CPSF7: variants seen among roughly 807,000 people sequenced by gnomAD.
CPSF7 encodes cleavage and polyadenylation specific factor 7.
A neutral mutation model predicts 44.3 loss-of-function variants in CPSF7; 1 was observed. The ratio of observed to expected loss-of-function variants is 0.02; its 90% CI spans 0.01 to 0.11. The LOEUF is 0.11. Among genes scored for constraint, CPSF7 ranks in the 10% least tolerant of loss-of-function variants. The pLI is 1.00. For synonymous variants in CPSF7, 202 were observed against 222.0 expected, an observed-to-expected ratio of 0.91 and a Z score of 0.80; for missense variants, 443 against 607.2, an observed-to-expected ratio of 0.73 and a Z score of 2.84.
At chr11:61,410,840 G>A (rs528127049) in intron 9 of CPSF7, 98 bp downstream of exon 9, 2 of 1,274,428 alleles carry the variant, frequency 1.6e-6, no homozygotes, top group South Asian at 3.1e-5. Flanking sequence ...CCCTACCCTT[G>A]CTGCATTTAC....
intron 9 of CPSF7, among the ~76,000 whole-genome samples, chr11:61,408,952 G>A (rs138237749): frequency 0.021 from 3,220 of 152,014 alleles, 118 homozygotes; most frequent in African/African-American, 0.074. Flanking sequence ...GCTGAGGCAG[G>A]GGGATCACTT....
intron 2 of CPSF7, among the ~76,000 whole-genome samples, chr11:61,422,885 C>A (rs1590725816): frequency 6.6e-6 from 1 of 151,902 alleles, no homozygotes; most frequent in Non-Finnish European, 1.5e-5. Flanking sequence ...TGTATCCCAG[C>A]ACTTTAGGAC....
chr11:61,429,598 C>G (rs567130087), intron 1 of CPSF7: 1 of 781,654 alleles, frequency 1.3e-6, no homozygotes, highest in Non-Finnish European at 2.0e-6. Flanking sequence ...GAAGAATGAC[C>G]GCGGCGAAGC....
chr11:61,405,413 C>T (rs916583693), intron 9 of CPSF7, among the ~76,000 whole-genome samples: 9 of 152,136 alleles, frequency 5.9e-5, no homozygotes, highest in South Asian at 2.1e-4. Context: ...AGGAAACATA[C>T]TAACACTAAG....
intron 2 of CPSF7, among the ~76,000 whole-genome samples, chr11:61,422,495 T>G (rs1860973786): frequency 6.6e-6 from 1 of 152,080 alleles, no homozygotes; most frequent in South Asian, 2.1e-4. Flanking sequence ...TCAAATTTTT[T>G]TTGTAGAGAC....
rs71471825 is a variant in CPSF7 at position 61,427,026 on chromosome 11, C to CAAAAAA, written c.54+2150_54+2155dup. 22 of 13,680 alleles carry CAAAAAA rather than the reference C, an allele frequency of 1.6e-3. 2 individuals are homozygous for CAAAAAA. The highest frequency in any genetic ancestry group is 2.5e-3 in the Admixed American group (2 of 816). The allele number at this position is 13,680 out of a possible 1,614,324, so 0.8% of individuals were successfully genotyped here. ...CTGGCGACAAAGAGAGACTCTGTCT[C>CAAAAAA]AAAAAAAAAAAAAAAAAAAAAAAAA... On this transcript the variant is annotated intron_variant, in intron 2 of 9. Coordinates refer to ENST00000439958, the MANE Select transcript of CPSF7 (RefSeq NM_001142565.3).
At chr11:61,416,642 A>T (rs1860366840) in intron 5 of CPSF7, 123 bp from the exon 6 acceptor site, 1 of 991,318 alleles carries the variant, frequency 1.0e-6, no homozygotes, top group African/African-American at 1.6e-5. Flanking sequence ...CTGAGAAGGT[A>T]AAATCATCTA....
At chr11:61,409,854 C>T (rs540079968) in intron 9 of CPSF7, among the ~76,000 whole-genome samples, 2 of 151,862 alleles carry the variant, frequency 1.3e-5, no homozygotes, top group South Asian at 2.1e-4. Flanking sequence ...GCGCCTGTAG[C>T]CCCAGCTGCT....
chr11:61,427,592 G>A (rs1861503212), intron 2 of CPSF7, among the ~76,000 whole-genome samples: 1 of 151,194 alleles, frequency 6.6e-6, no homozygotes, highest in Non-Finnish European at 1.5e-5. Context: ...GGCAGAGGTT[G>A]CAGTGAGCCG....
intron 7 of CPSF7, among the ~76,000 whole-genome samples, chr11:61,412,711 A>T (rs1012674985): frequency 5.9e-5 from 9 of 152,364 alleles, no homozygotes; most frequent in African/African-American, 2.2e-4. Flanking sequence ...ACCTGTATGT[A>T]AACAAAGTAA....
chr11:61,425,479 C>G (rs972779322), intron 2 of CPSF7, among the ~76,000 whole-genome samples: 5 of 152,146 alleles, frequency 3.3e-5, no homozygotes, highest in African/African-American at 1.2e-4. Context: ...TGTTTAATGG[C>G]ACAGAAAGAA....
chr11:61,429,929 G>T lies in CPSF7; in HGVS notation c.-71C>A. 1 of 1,452,026 alleles carries T rather than the reference G, an allele frequency of 6.9e-7. No homozygotes were observed. The highest frequency in any genetic ancestry group is 9.2e-7 in the Non-Finnish European group (1 of 1,086,454). 89.9% of individuals were successfully genotyped at this position (1,452,026 alleles called of 1,614,324 possible). ...CCCCCGTTACCGGGAATATGGCGGCGGCGGCGGCGAGTCCGGACTAGGCCC... is the reference window on the plus strand; with the variant it reads ...CCCCCGTTACCGGGAATATGGCGGCTGCGGCGGCGAGTCCGGACTAGGCCC... On this transcript the variant is annotated 5_prime_UTR_variant, in exon 1 of 10. Transcript: ENST00000439958.
intron 4 of CPSF7, 22 bp from the exon 5 acceptor site, chr11:61,420,116 A>G: frequency 6.4e-7 from 1 of 1,573,784 alleles, no homozygotes; most frequent in Non-Finnish European, 8.7e-7. Context: ...AAAATTAAAA[A>G]TGAATGAAAT....
At chr11:61,414,148 A>ATTTTT (rs11420964) in intron 7 of CPSF7, among the ~76,000 whole-genome samples, 1 of 132,660 alleles carries the variant, frequency 7.5e-6, no homozygotes, top group African/African-American at 2.8e-5. Flanking sequence ...AAAAAGACTA[A>ATTTTT]TTTTTTTTTT....
chr11:61,420,348 A>G (rs2135362133), intron 4 of CPSF7, 122 bp downstream of exon 4: 2 of 932,154 alleles, frequency 2.1e-6, no homozygotes, highest in South Asian at 3.3e-5. Context: ...GCAGTTTGCC[A>G]AAACCAAGGC....
At chr11:61,419,896 CCCT>C in intron 5 of CPSF7, 50 bp downstream of exon 5, 4 of 1,600,750 alleles carry the variant, frequency 2.5e-6, no homozygotes, top group Non-Finnish European at 3.4e-6. Flanking sequence ...AAACACCCCC[CCCT>C]CATACAGATG....
intron 8 of CPSF7, among the ~76,000 whole-genome samples, 195 bp downstream of exon 8, chr11:61,411,574 C>G (rs1398794747): frequency 3.9e-5 from 6 of 152,214 alleles, no homozygotes; most frequent in Non-Finnish European, 8.8e-5. Context: ...CTGCCTCACC[C>G]ACCAGATTCC....
chr11:61,418,028 A>G (rs185035880), intron 5 of CPSF7, among the ~76,000 whole-genome samples: 1 of 152,374 alleles, frequency 6.6e-6, no homozygotes, highest in African/African-American at 2.4e-5. Context: ...AAGGAAAGTC[A>G]GGGGTGAATT....
At chr11:61,406,652 T>C (rs1859348081) in intron 9 of CPSF7, among the ~76,000 whole-genome samples, 1 of 152,366 alleles carries the variant, frequency 6.6e-6, no homozygotes, top group South Asian at 2.1e-4. Context: ...GTCAAATGAC[T>C]GTTTTCTAGG....
Sources: gnomAD v4.1 joint callset for allele counts (sites outside exome capture counted in the v4.1 genomes callset) on GRCh38, gnomAD v4.1.1 for gene constraint, MANE v1.5 for transcripts, NCBI Gene and HGNC (gene_info 2026-07-23, HGNC 2026-07-21) for gene names.